Variants in OSBPL6 observed in about 807,000 individuals in gnomAD.
OSBPL6 encodes oxysterol-binding protein-related protein 6.
Under a neutral mutation model 125.8 loss-of-function variants are expected in OSBPL6, and 49 were observed. The observed-to-expected ratio is 0.39, with a 90% CI of 0.31 to 0.49. OSBPL6 has a LOEUF of 0.49. Among genes scored for constraint, OSBPL6 ranks in the 20% least tolerant of loss-of-function variants. OSBPL6 has a pLI of 0.88. For missense variants in OSBPL6, 986 were observed against 1,135.4 expected (o/e 0.87, Z 1.89); for synonymous variants, 394 against 391.8 (o/e 1.01, Z -0.07).
chr2:178,198,722 C>T (rs949264326), intron 1 of OSBPL6, among the ~76,000 whole-genome samples: 7 of 152,082 alleles, frequency 4.6e-5, no homozygotes, highest in South Asian at 4.1e-4. Flanking sequence ...GTAATGTGGA[C>T]GTACTATCTG....
intron 1 of OSBPL6, among the ~76,000 whole-genome samples, chr2:178,227,519 G>A (rs1021338396): frequency 2.0e-5 from 3 of 152,120 alleles, no homozygotes; most frequent in Non-Finnish European, 2.9e-5. Flanking sequence ...TATTTGCCCT[G>A]TACATATAAA....
At chr2:178,365,410 G>A (rs1239802204) in intron 13 of OSBPL6, among the ~76,000 whole-genome samples, 1 of 152,022 alleles carries the variant, frequency 6.6e-6, no homozygotes. Flanking sequence ...TACCTGCCTT[G>A]AGCAAACAAA....
chr2:178,374,018 A>G lies in OSBPL6; in HGVS notation c.1524A>G (p.Ser508=), dbSNP rs1693645695. 1 of 1,613,974 alleles carries G rather than the reference A, an allele frequency of 6.2e-7. No individual in the cohort carries two copies. Among genetic ancestry groups the G allele is most frequent in the South Asian group, 1.1e-5 (1 of 91,062 alleles). ...AGGTGCTCCTCTCTGCAAGTTCGTC[A>G]GAGAATGAGGTATGTATGCCTCCTT... The part of the protein sequence containing the change: ...AQEVLLSASS[S]ENEASDDESY... Residue 508 remains serine, a synonymous_variant, in exon 15 of 25, where the codon TCA becomes TCG. Transcript: ENST00000190611.
intron 2 of OSBPL6, among the ~76,000 whole-genome samples, chr2:178,303,695 CT>C (rs910356346): frequency 6.6e-6 from 1 of 152,206 alleles, no homozygotes; most frequent in Non-Finnish European, 1.5e-5. Context: ...ACAGTCATGA[CT>C]TTCCCATGGA....
chr2:178,320,519 T>C lies in OSBPL6; in HGVS notation c.103-3658T>C. On this transcript the variant is annotated intron_variant, in intron 3 of 24. Transcript: ENST00000190611. Reference sequence around the variant, plus strand: ...GATTTTAGAAGAATAATTAACTGGTTTACATAACCCTTTATTTAACTTGCT... The same window carrying C: ...GATTTTAGAAGAATAATTAACTGGTCTACATAACCCTTTATTTAACTTGCT... 12 of 1,057,332 alleles carry C rather than the reference T, an allele frequency of 1.1e-5. No homozygotes were observed. The South Asian group carries it at 1.8e-4, about 16-fold the overall frequency. 65.5% of individuals were successfully genotyped at this position (1,057,332 alleles called of 1,614,324 possible).
intron 9 of OSBPL6, among the ~76,000 whole-genome samples, chr2:178,337,958 T>TTTTTTTTTTTTTTTTTTTC (rs1341345045): frequency 1.3e-5 from 2 of 151,392 alleles, no homozygotes; most frequent in African/African-American, 4.9e-5. Context: ...TCTTTTTTTT[T>TTTTTTTTTTTTTTTTTTTC]TGAGACGGAG....
chr2:178,378,997 T>A (rs984219473), intron 15 of OSBPL6, among the ~76,000 whole-genome samples: 6 of 151,730 alleles, frequency 4.0e-5, no homozygotes, highest in Non-Finnish European at 8.8e-5. Flanking sequence ...AGCCCCCACC[T>A]CTACAAAAAA....
At chr2:178,386,512 C>A (rs1694945382) in intron 19 of OSBPL6, among the ~76,000 whole-genome samples, 1 of 151,262 alleles carries the variant, frequency 6.6e-6, no homozygotes, top group African/African-American at 2.4e-5. Flanking sequence ...AACTGTAATC[C>A]CAAATTATAT....
At chr2:178,226,157 G>A (rs2090553039) in intron 1 of OSBPL6, among the ~76,000 whole-genome samples, 3 of 152,170 alleles carry the variant, frequency 2.0e-5, no homozygotes, top group Admixed American at 6.5e-5. Context: ...TGACAGCCTG[G>A]GTAGGGGTGG....
intron 12 of OSBPL6, among the ~76,000 whole-genome samples, chr2:178,350,113 T>C (rs1691115883): frequency 1.3e-5 from 2 of 152,326 alleles, no homozygotes; most frequent in East Asian, 3.9e-4. Flanking sequence ...TGAGGGGAAA[T>C]TGATCCCACA....
intron 1 of OSBPL6, among the ~76,000 whole-genome samples, chr2:178,253,273 G>A (rs932698364): frequency 2.0e-5 from 3 of 152,066 alleles, no homozygotes; most frequent in Non-Finnish European, 4.4e-5. Flanking sequence ...CACCCACCTC[G>A]GCCTCCCAAA....
At chr2:178,241,484 C>T (rs529859797) in intron 1 of OSBPL6, among the ~76,000 whole-genome samples, 18 of 148,502 alleles carry the variant, frequency 1.2e-4, no homozygotes, top group Non-Finnish European at 2.2e-4. Context: ...GGTGTGATCT[C>T]GGCTCACTGC....
chr2:178,252,415 T>G (rs2091729289), intron 1 of OSBPL6, among the ~76,000 whole-genome samples: 1 of 151,564 alleles, frequency 6.6e-6, no homozygotes, highest in Non-Finnish European at 1.5e-5. Flanking sequence ...CAATAAAACT[T>G]TTATTGTAAA....
intron 1 of OSBPL6, among the ~76,000 whole-genome samples, chr2:178,216,771 G>A (rs2090110842): frequency 6.6e-6 from 1 of 152,192 alleles, no homozygotes; most frequent in Non-Finnish European, 1.5e-5. Flanking sequence ...TTCCTGCCAG[G>A]AATGCATGGC....
intron 1 of OSBPL6, among the ~76,000 whole-genome samples, chr2:178,197,290 A>G (rs570725408): frequency 3.9e-5 from 6 of 152,368 alleles, no homozygotes; most frequent in African/African-American, 1.2e-4. Flanking sequence ...GTTGAAATAC[A>G]TATCTTTTTA....
intron 4 of OSBPL6, among the ~76,000 whole-genome samples, chr2:178,325,133 C>G (rs1688583042): frequency 6.6e-6 from 1 of 152,180 alleles, no homozygotes; most frequent in Non-Finnish European, 1.5e-5. Context: ...TGGAAAGATA[C>G]CATCCTACTC....
Position 178,344,797 on chromosome 2 carries a change from A to G in OSBPL6, c.988-4427A>G, listed in dbSNP as rs146336144. ...GTAGCAGTGTGACTATTTGAAAAGG[A>G]TGTGAGAATAAAGAAATGAGAGGGT... On this transcript the variant is annotated intron_variant, in intron 11 of 24. Transcript: ENST00000190611. 1.1e-3 allele frequency among the ~76,000 whole-genome samples: 164 copies of G among 152,240 alleles called. 1 individual carries two copies. The highest frequency in any genetic ancestry group is 3.3e-3 in the African/African-American group (136 of 41,538).
chr2:178,394,553 G>A (rs1695684261), intron 24 of OSBPL6, 118 bp downstream of exon 24: 1 of 1,315,560 alleles, frequency 7.6e-7, no homozygotes, highest in African/African-American at 1.5e-5. Context: ...CTTTGCTTTT[G>A]GCAGTGAAAA....
intron 3 of OSBPL6, among the ~76,000 whole-genome samples, chr2:178,317,137 T>C (rs1398681061): frequency 6.6e-6 from 1 of 152,018 alleles, no homozygotes; most frequent in African/African-American, 2.4e-5. Flanking sequence ...AGTTTGTGTG[T>C]GTATATCTTT....
Sources: allele counts gnomAD v4.1 joint callset (sites outside exome capture counted in the v4.1 genomes callset), GRCh38; gene constraint gnomAD v4.1.1; transcripts MANE v1.5; gene names NCBI Gene and HGNC (gene_info 2026-07-23, HGNC 2026-07-21).